The following RBFOX1 variants were observed in gnomAD, a reference collection of about 807,000 sequenced individuals.
RBFOX1 encodes RNA binding fox-1 homolog 1, also known as RNA binding protein fox-1 homolog 1.
RBFOX1 carries 8 observed loss-of-function variants against 57.7 expected under a neutral mutation model. The ratio of observed to expected loss-of-function variants is 0.14; its 90% CI spans 0.08 to 0.25. The LOEUF (loss-of-function observed/expected upper bound fraction) is 0.25. Ranked by LOEUF, RBFOX1 falls within the 10% of genes least tolerant of loss-of-function variation. The pLI is 1.00. For missense variants in RBFOX1, 611 were observed against 548.5 expected, an observed-to-expected ratio of 1.11 and a Z score of -1.14; for synonymous variants, 326 against 222.4, an observed-to-expected ratio of 1.47 and a Z score of -4.15.
chr16:7,218,677 TG>T (rs1336742603), intron 4 of RBFOX1, among the ~76,000 whole-genome samples: 16 of 149,542 alleles, frequency 1.1e-4, no homozygotes, highest in Non-Finnish European at 2.1e-4. Context: ...TGTGTGTGTG[TG>T]TGTCCTTTTG....
At chr16:7,547,420 A>G (rs2084887004) in intron 5 of RBFOX1, among the ~76,000 whole-genome samples, 1 of 152,240 alleles carries the variant, frequency 6.6e-6, no homozygotes, top group African/African-American at 2.4e-5. Context: ...CTTCTGTTAT[A>G]TGCCAAAAAT....
chr16:6,768,453 C>G (rs968161494), intron 3 of RBFOX1, among the ~76,000 whole-genome samples: 2 of 151,532 alleles, frequency 1.3e-5, no homozygotes, highest in African/African-American at 4.8e-5. Context: ...AGGGAAAATT[C>G]CCCCCCAGCC....
At chr16:7,371,035 C>G (rs1297604453) in intron 4 of RBFOX1, among the ~76,000 whole-genome samples, 2 of 152,140 alleles carry the variant, frequency 1.3e-5, no homozygotes, top group Non-Finnish European at 1.5e-5. Context: ...GTATTTTTGA[C>G]TTGCCTGTAT....
chr16:7,257,622 C>T (rs1281744396), intron 4 of RBFOX1, among the ~76,000 whole-genome samples: 1 of 152,186 alleles, frequency 6.6e-6, no homozygotes, highest in Non-Finnish European at 1.5e-5. Context: ...CCGAGAACTG[C>T]TCTTCCAAAG....
At chr16:5,270,880 C>G (rs1000870705) in intron 1 of RBFOX1, 1 of 410,486 alleles carries the variant, frequency 2.4e-6, no homozygotes, top group Non-Finnish European at 4.6e-6. Context: ...TTCTGGAAAA[C>G]CCACTAGGGA....
chr16:7,491,216 C>T (rs531079543), intron 4 of RBFOX1, among the ~76,000 whole-genome samples: 2 of 152,066 alleles, frequency 1.3e-5, no homozygotes, highest in Non-Finnish European at 2.9e-5. Context: ...CCGGGCATTG[C>T]CACATCCCTT....
At chr16:5,853,745 C>A (rs966189120) in intron 3 of RBFOX1, among the ~76,000 whole-genome samples, 1 of 152,152 alleles carries the variant, frequency 6.6e-6, no homozygotes, top group Admixed American at 6.5e-5. Flanking sequence ...AAGCCTGCTG[C>A]ATTTCAAATT....
At chr16:5,833,446 G>A (rs1389272033) in intron 3 of RBFOX1, among the ~76,000 whole-genome samples, 1 of 140,648 alleles carries the variant, frequency 7.1e-6, no homozygotes, top group African/African-American at 2.7e-5. Context: ...CGTGAGCCAA[G>A]ACCGCACCAC....
At chr16:5,530,904 A>G (rs1005855733) in intron 2 of RBFOX1, among the ~76,000 whole-genome samples, 14 of 139,420 alleles carry the variant, frequency 1.0e-4, no homozygotes, top group Non-Finnish European at 1.7e-4. Context: ...CCTGGCCAAC[A>G]TGGCGAAACC....
intron 2 of RBFOX1, among the ~76,000 whole-genome samples, chr16:6,366,107 GT>G: frequency 6.6e-6 from 1 of 151,790 alleles, no homozygotes; most frequent in Non-Finnish European, 1.5e-5. Context: ...GTGTGTGTGT[GT>G]GTGTGTGTGT....
rs1443026348 is a variant in RBFOX1, at chr16:5,454,759, C to CCTTTTCT, written c.220-12457_220-12456insCTTTTCT. Among the ~76,000 whole-genome samples the CCTTTTCT allele has an allele frequency of 2.1e-4, 16 of 75,950 alleles. 1 individual carries two copies. Among genetic ancestry groups the CCTTTTCT allele is most frequent in the African/African-American group, 6.7e-4 (13 of 19,520 alleles). 49.8% of individuals were successfully genotyped at this position (75,950 alleles called of 152,430 possible). A position where few individuals can be genotyped will look rare whatever the true frequency, so the allele number is the denominator to read the frequency against. On this transcript the variant is annotated intron_variant, in intron 1 of 2. Coordinates refer to the RBFOX1 transcript ENST00000585867. ...TCTTTCTTTCTTTTTCTTTTCTTTTCTTTCTTTCTCTTTCTTTCTTTCTTT... is the reference window on the plus strand; with the variant it reads ...TCTTTCTTTCTTTTTCTTTTCTTTTCCTTTTCTTTTCTTTCTCTTTCTTTCTTTCTTT...
At chr16:6,659,311 C>T (rs578192639) in intron 3 of RBFOX1, among the ~76,000 whole-genome samples, 45 of 152,080 alleles carry the variant, frequency 3.0e-4, no homozygotes, top group African/African-American at 1.0e-3. Flanking sequence ...AGTTTCAGAT[C>T]TGCTATAAAA....
At chr16:6,256,366 T>A (rs1460206933) in intron 1 of RBFOX1, among the ~76,000 whole-genome samples, 1 of 147,198 alleles carries the variant, frequency 6.8e-6, no homozygotes, top group Admixed American at 7.0e-5. Flanking sequence ...GGGAAGAGGT[T>A]GGGTAAGAGG....
At position 5,519,809 on chromosome 16, in the gene RBFOX1, C is replaced by G. The variant is rs757904053; in HGVS notation, c.258+52555C>G. 3.3e-5 allele frequency among the ~76,000 whole-genome samples: 5 copies of G among 152,234 alleles called. 1 individual carries two copies. In the South Asian group the frequency reaches 1.0e-3, roughly 32 times the overall value. On this transcript the variant is annotated intron_variant, in intron 2 of 2. Coordinates refer to the RBFOX1 transcript ENST00000585867. ...GACTTGTTCCCTGAGAACTCAGTGC[C>G]TTGTTTTTTCTTTAAAACTTATCTA... is the stretch of plus-strand genomic sequence containing the variant.
chr16:5,441,703 G>A (rs1188909077), intron 1 of RBFOX1, among the ~76,000 whole-genome samples: 1 of 152,116 alleles, frequency 6.6e-6, no homozygotes, highest in Non-Finnish European at 1.5e-5. Flanking sequence ...AGCATGGCTG[G>A]GGAGGCCTCA....
intron 4 of RBFOX1, among the ~76,000 whole-genome samples, chr16:5,887,187 C>G (rs1432558843): frequency 6.6e-6 from 1 of 152,166 alleles, no homozygotes; most frequent in African/African-American, 2.4e-5. Context: ...CCTAAGAAGA[C>G]TTCAGAGATT....
chr16:6,496,236 T>C (rs1034998111), intron 2 of RBFOX1, among the ~76,000 whole-genome samples: 8 of 152,190 alleles, frequency 5.3e-5, no homozygotes, highest in Non-Finnish European at 1.0e-4. Flanking sequence ...TAGACTAGAT[T>C]GTTGACATAA....
chr16:5,956,752 T>C (rs2059651822), intron 4 of RBFOX1, among the ~76,000 whole-genome samples: 1 of 148,316 alleles, frequency 6.7e-6, no homozygotes, highest in Non-Finnish European at 1.5e-5. Flanking sequence ...CACTGCAGCC[T>C]AGACCTCCTG....
At chr16:6,398,642 T>C (rs2092938752) in intron 2 of RBFOX1, among the ~76,000 whole-genome samples, 1 of 152,240 alleles carries the variant, frequency 6.6e-6, no homozygotes, top group Non-Finnish European at 1.5e-5. Context: ...TGACTCCATG[T>C]CTCACTTCCT....
Sources: gnomAD v4.1 joint callset for allele counts (sites outside exome capture counted in the v4.1 genomes callset) on GRCh38, gnomAD v4.1.1 for gene constraint, MANE v1.5 for transcripts, NCBI Gene and HGNC (gene_info 2026-07-23, HGNC 2026-07-21) for gene names.